The following DNMT3A variants were observed in gnomAD, a reference collection of about 807,000 sequenced individuals.
DNMT3A encodes the protein DNA methyltransferase 3 alpha.
In DNMT3A, 267 loss-of-function variants were observed where a neutral mutation model predicts 117.6. The observed-to-expected ratio is 2.27, with a 90% confidence interval of 2.05 to 2.51. The LOEUF (loss-of-function observed/expected upper bound fraction) is 2.51. DNMT3A is among the 30% of genes most tolerant of loss of function. The probability of loss-of-function intolerance (pLI) is 0.00; values close to 1 mark genes in which losing one functional copy is unlikely to be tolerated. For synonymous variants in DNMT3A, 432 were observed against 474.8 expected (o/e 0.91, Z 1.17); for missense variants, 1,029 against 1,260.2 (o/e 0.82, Z 2.78).
At chr2:25,285,623 G>A (rs139517640) in intron 3 of DNMT3A, among the ~76,000 whole-genome samples, 10 of 152,370 alleles carry the variant, frequency 6.6e-5, no homozygotes, top group Non-Finnish European at 1.2e-4. Flanking sequence ...GTCCTCCACT[G>A]TGCTTGGGGG....
In DNMT3A at chr2:25,279,186, G is replaced by A. The variant is rs142760835; in HGVS notation, c.448+3255C>T. On this transcript the variant is annotated intron_variant, in intron 4 of 22. Transcript: ENST00000321117. Reference sequence around the variant, plus strand: ...ACAGGCCTGTCGGGTGTTGGCTCCTGTCCCTATCACTCATCTCATCATCTC... The same window carrying A: ...ACAGGCCTGTCGGGTGTTGGCTCCTATCCCTATCACTCATCTCATCATCTC... Among the ~76,000 whole-genome samples the A allele has an allele frequency of 5.6e-3, 858 of 152,248 alleles. 1 individual carries two copies. The highest frequency in any genetic ancestry group is 9.4e-3 in the Admixed American group (144 of 15,282).
chr2:25,245,171 G>A, intron 13 of DNMT3A, 82 bp downstream of exon 13: 1 of 1,364,426 alleles, frequency 7.3e-7, no homozygotes. Context: ...CCCTGTACAT[G>A]CCCAGAAGCG....
At chr2:25,269,196 C>T (rs539500587) in intron 6 of DNMT3A, among the ~76,000 whole-genome samples, 1 of 152,152 alleles carries the variant, frequency 6.6e-6, no homozygotes, top group Non-Finnish European at 1.5e-5. Flanking sequence ...GTGGTGCGTG[C>T]CTGTAATTCC....
chr2:25,285,082 G>A (rs986618482), intron 3 of DNMT3A, among the ~76,000 whole-genome samples: 3 of 152,176 alleles, frequency 2.0e-5, no homozygotes, highest in African/African-American at 4.8e-5. Flanking sequence ...CTGTACAGCT[G>A]CGTGTTTCCA....
intron 15 of DNMT3A, 80 bp from the exon 16 acceptor site, chr2:25,244,062 C>G: frequency 1.9e-6 from 3 of 1,586,024 alleles, no homozygotes; most frequent in Non-Finnish European, 2.6e-6. Context: ...TCCAGCCAGG[C>G]TCCTAGACCC....
intron 6 of DNMT3A, among the ~76,000 whole-genome samples, chr2:25,258,878 G>A (rs979227053): frequency 6.6e-6 from 1 of 152,180 alleles, no homozygotes; most frequent in South Asian, 2.1e-4. Flanking sequence ...TGTTAGGGAG[G>A]GGGAGTGGTA....
rs1316779950 is a variant in DNMT3A, at chr2:25,246,601, G to C, written c.1279+19C>G. On this transcript the variant is annotated intron_variant, in intron 10 of 22. Coordinates refer to ENST00000321117, the MANE Select transcript of DNMT3A (RefSeq NM_022552.5). ...GCCTGGCGGGCAGGGGTCCCAGAAA[G>C]CTGGGTGCCCTCATTTACCTTCTGG... 1.3e-6 allele frequency: 2 copies of C among 1,599,964 alleles called. No individual in the cohort carries two copies. The highest frequency in any genetic ancestry group is 3.4e-5 in the Admixed American group (2 of 58,618).
At chr2:25,308,029 G>A (rs2033875746) in intron 2 of DNMT3A, among the ~76,000 whole-genome samples, 1 of 152,184 alleles carries the variant, frequency 6.6e-6, no homozygotes, top group South Asian at 2.1e-4. Context: ...CCCAAAGAGA[G>A]ACAACATTCC....
At chr2:25,241,912 T>A in intron 16 of DNMT3A, 1 of 620,874 alleles carries the variant, frequency 1.6e-6, no homozygotes, top group Non-Finnish European at 2.7e-6. Flanking sequence ...CATGCCTCGT[T>A]TGGCCTATCT....
chr2:25,235,590 A>T, intron 22 of DNMT3A, 117 bp downstream of exon 22: 1 of 786,170 alleles, frequency 1.3e-6, no homozygotes, highest in Non-Finnish European at 2.1e-6. Context: ...GATAAAACCC[A>T]CTGTTCCCAG....
intron 1 of DNMT3A, among the ~76,000 whole-genome samples, chr2:25,332,109 C>A (rs2035034978): frequency 6.6e-6 from 1 of 152,218 alleles, no homozygotes; most frequent in Non-Finnish European, 1.5e-5. Context: ...GGCTCCCTGC[C>A]CCTAAACCCT....
chr2:25,279,089 C>A (rs138361041), intron 4 of DNMT3A, among the ~76,000 whole-genome samples: 250 of 152,272 alleles, frequency 1.6e-3, no homozygotes, highest in Non-Finnish European at 2.2e-3. Context: ...AAAGCCACAT[C>A]GCCACTGCCA....
intron 1 of DNMT3A, among the ~76,000 whole-genome samples, chr2:25,317,330 G>A (rs1488420169): frequency 6.6e-6 from 1 of 150,848 alleles, no homozygotes; most frequent in East Asian, 1.9e-4. Context: ...CCAAAGTGTT[G>A]GGATTCCAAG....
chr2:25,315,188 C>T (rs114009766), intron 1 of DNMT3A, among the ~76,000 whole-genome samples: 486 of 152,312 alleles, frequency 3.2e-3, no homozygotes, highest in Non-Finnish European at 5.1e-3. Flanking sequence ...CCCTCCTGGG[C>T]TTCTCCTCCC....
In DNMT3A at chr2:25,339,167, C is replaced by G. The variant is rs546218458; in HGVS notation, c.-178+2659G>C. Among the ~76,000 whole-genome samples the G allele has an allele frequency of 1.3e-5, 2 of 152,098 alleles. No homozygotes were observed. The highest frequency in any genetic ancestry group is 4.8e-5 in the African/African-American group (2 of 41,398). ...TGCCATGTGCCGAAAAACAGACCACCCTGTCCCCATTGCTAGGCCTGAAAT... is the reference window on the plus strand; with the variant it reads ...TGCCATGTGCCGAAAAACAGACCACGCTGTCCCCATTGCTAGGCCTGAAAT... On this transcript the variant is annotated intron_variant, in intron 1 of 22. Transcript: ENST00000321117. The surrounding 1 kb of genome is among the most constrained non-coding windows in gnomAD (Gnocchi z 4.9).
At position 25,233,478 on chromosome 2, in the gene DNMT3A, CATATAT is replaced by C. The variant is rs1332826359; in HGVS notation, c.*795_*800del. On this transcript the variant is annotated 3_prime_UTR_variant, in exon 23 of 23. Transcript: ENST00000321117. ...TTTTATATATATATCTCATATCTAT[CATATAT>C]ATATAAACTGTAAACAAGAGGTAAC... 8.6e-6 allele frequency: 2 copies of C among 233,256 alleles called. No individual in the cohort carries two copies. The highest frequency in any genetic ancestry group is 1.7e-5 in the Non-Finnish European group (2 of 117,866). 14.4% of individuals were successfully genotyped at this position (233,256 alleles called of 1,614,324 possible).
chr2:25,300,127 T>A lies in DNMT3A; in HGVS notation c.177+12A>T. On this transcript the variant is annotated intron_variant, in intron 3 of 22. Transcript: ENST00000321117. ...TGTGTGCACAGGAGGGTGTGTAGGA[T>A]GTGACACTCACCGGGGGGTGCTTGC... is the stretch of plus-strand genomic sequence containing the variant. 6.2e-7 allele frequency: 1 copy of A among 1,612,324 alleles called. No individual in the cohort carries two copies. The highest frequency in any genetic ancestry group is 8.5e-7 in the Non-Finnish European group (1 of 1,179,206).
intron 6 of DNMT3A, chr2:25,251,952 G>A (rs2149325014): frequency 4.0e-6 from 2 of 495,868 alleles, no homozygotes; most frequent in South Asian, 6.0e-5. Flanking sequence ...CCTGTCCCCC[G>A]AGGGCGCCAG....
At chr2:25,336,161 T>C (rs751223756) in intron 1 of DNMT3A, among the ~76,000 whole-genome samples, 3 of 152,224 alleles carry the variant, frequency 2.0e-5, no homozygotes, top group African/African-American at 7.2e-5. Flanking sequence ...GCCAGGCACC[T>C]GCACTCATGC....
Sources: allele counts gnomAD v4.1 joint callset (sites outside exome capture counted in the v4.1 genomes callset), GRCh38; gene constraint gnomAD v4.1.1; non-coding constraint Gnocchi (gnomAD v3.1); transcripts MANE v1.5; gene names NCBI Gene and HGNC (gene_info 2026-07-23, HGNC 2026-07-21).